The following KCND2 variants were observed in gnomAD, a reference collection of about 807,000 sequenced individuals.
The protein encoded by KCND2 is potassium voltage-gated channel subfamily D member 2, also known as A-type voltage-gated potassium channel KCND2.
A neutral mutation model predicts 54.4 loss-of-function variants in KCND2; 16 were observed. The observed-to-expected ratio is 0.29, with a 90% CI of 0.20 to 0.45. The LOEUF (loss-of-function observed/expected upper bound fraction) is 0.45, where lower values mean the gene tolerates loss of function less well. KCND2 is among the 20% of genes least tolerant of loss of function. KCND2 has a pLI of 1.00. For synonymous variants in KCND2, 317 were observed against 310.7 expected (o/e 1.02, Z -0.21); for missense variants, 486 against 824.2 (o/e 0.59, Z 5.02).
At chr7:120,647,384 A>C (rs1793454881) in intron 1 of KCND2, among the ~76,000 whole-genome samples, 1 of 152,204 alleles carries the variant, frequency 6.6e-6, no homozygotes, top group Admixed American at 6.5e-5. Flanking sequence ...CTTTCAGATA[A>C]GGCGGGGATA....
At chr7:120,564,530 A>T (rs1792273816) in intron 1 of KCND2, among the ~76,000 whole-genome samples, 1 of 152,188 alleles carries the variant, frequency 6.6e-6, no homozygotes, top group Admixed American at 6.5e-5. Context: ...AGAGTATAAT[A>T]GAATAAGACA....
At chr7:120,377,808 A>G (rs566652093) in intron 1 of KCND2, among the ~76,000 whole-genome samples, 8 of 152,022 alleles carry the variant, frequency 5.3e-5, no homozygotes, top group Admixed American at 2.0e-4. Flanking sequence ...TTCCCAGTCT[A>G]TCCACCCAGA....
At chr7:120,527,404 T>A (rs2116358038) in intron 1 of KCND2, among the ~76,000 whole-genome samples, 1 of 152,250 alleles carries the variant, frequency 6.6e-6, no homozygotes, top group South Asian at 2.1e-4. Flanking sequence ...GACTCCTGAC[T>A]TTCGGTACAC....
chr7:120,563,894 T>C (rs1449044938), intron 1 of KCND2, among the ~76,000 whole-genome samples: 1 of 152,172 alleles, frequency 6.6e-6, no homozygotes, highest in Non-Finnish European at 1.5e-5. Context: ...AAGTTCCCCT[T>C]GAAGCCTTTA....
chr7:120,688,465 A>G (rs1323312783), intron 1 of KCND2, among the ~76,000 whole-genome samples: 1 of 152,172 alleles, frequency 6.6e-6, no homozygotes, highest in Non-Finnish European at 1.5e-5. Flanking sequence ...ATACAGAAAC[A>G]CGAGAAGGAC....
Position 120,274,275 on chromosome 7 carries a change from CTG to C in KCND2, c.-355_-354del, listed in dbSNP as rs777954867. On this transcript the variant is annotated 5_prime_UTR_variant, in exon 1 of 6. Transcript: ENST00000331113. ...ACATACTGACCCTATATTATCCAGA[CTG>C]TGCCGGGGAGAAATCAAAAACACCT... The C allele has an allele frequency of 5.7e-4, 229 of 400,872 alleles. 2 individuals carry two copies. In the Middle Eastern group the frequency reaches 0.011, roughly 20 times the overall value. 24.8% of individuals were successfully genotyped at this position (400,872 alleles called of 1,614,324 possible).
intron 1 of KCND2, among the ~76,000 whole-genome samples, chr7:120,571,544 A>G (rs533131924): frequency 6.6e-6 from 1 of 152,326 alleles, no homozygotes; most frequent in Non-Finnish European, 1.5e-5. Context: ...CTCACGCTCT[A>G]TTCTAGAAAA....
intron 1 of KCND2, among the ~76,000 whole-genome samples, chr7:120,618,369 A>G (rs192019517): frequency 1.5e-4 from 23 of 152,300 alleles, no homozygotes; most frequent in Admixed American, 9.8e-4. Flanking sequence ...TGAATACTAA[A>G]TTCTTTATTC....
At chr7:120,452,912 TG>T (rs1327366600) in intron 1 of KCND2, among the ~76,000 whole-genome samples, 1 of 152,158 alleles carries the variant, frequency 6.6e-6, no homozygotes, top group Non-Finnish European at 1.5e-5. Flanking sequence ...GAGCACCCTC[TG>T]TCTGCTGGCC....
intron 1 of KCND2, among the ~76,000 whole-genome samples, chr7:120,365,690 C>T (rs570610527): frequency 6.6e-6 from 1 of 152,068 alleles, no homozygotes; most frequent in South Asian, 2.1e-4. Context: ...TACTTTTTGA[C>T]GTGCATGGTT....
At chr7:120,592,925 CAATAT>C (rs1218373439) in intron 1 of KCND2, among the ~76,000 whole-genome samples, 1 of 151,956 alleles carries the variant, frequency 6.6e-6, no homozygotes, top group Non-Finnish European at 1.5e-5. Flanking sequence ...GGTGGGATGA[CAATAT>C]AATCCTGATA....
intron 1 of KCND2, among the ~76,000 whole-genome samples, chr7:120,407,609 T>G (rs1801380870): frequency 6.6e-6 from 1 of 152,014 alleles, no homozygotes; most frequent in Non-Finnish European, 1.5e-5. Context: ...CAACTCCAGA[T>G]GGTTACTATA....
chr7:120,492,680 A>C (rs1025331331), intron 1 of KCND2, among the ~76,000 whole-genome samples: 2 of 152,056 alleles, frequency 1.3e-5, no homozygotes, highest in Admixed American at 1.3e-4. Flanking sequence ...ATGGGGTTAC[A>C]TTCCTATAAA....
chr7:120,580,160 T>A (rs6466749), intron 1 of KCND2, among the ~76,000 whole-genome samples: 19,479 of 152,186 alleles, frequency 0.13, 2,159 homozygotes, highest in African/African-American at 0.31. Flanking sequence ...ACCCTCTTAC[T>A]CTTTAAGATT....
At chr7:120,318,521 A>T (rs971401475) in intron 1 of KCND2, among the ~76,000 whole-genome samples, 18 of 152,070 alleles carry the variant, frequency 1.2e-4, no homozygotes, top group African/African-American at 4.3e-4. Flanking sequence ...CACAACACTT[A>T]TGTGTTTGGC....
intron 1 of KCND2, among the ~76,000 whole-genome samples, chr7:120,601,797 T>C (rs1376165971): frequency 6.6e-6 from 1 of 152,178 alleles, no homozygotes; most frequent in Non-Finnish European, 1.5e-5. Context: ...AATTGTCAAC[T>C]AAAAGCATAA....
intron 1 of KCND2, among the ~76,000 whole-genome samples, chr7:120,645,720 A>T (rs1013600730): frequency 6.6e-6 from 1 of 152,222 alleles, no homozygotes; most frequent in Non-Finnish European, 1.5e-5. Context: ...TGGACACGTG[A>T]CAAGTGGCAT....
At chr7:120,633,040 T>C (rs934479219) in intron 1 of KCND2, among the ~76,000 whole-genome samples, 2 of 152,234 alleles carry the variant, frequency 1.3e-5, no homozygotes, top group Non-Finnish European at 2.9e-5. Flanking sequence ...TTTACAGGCT[T>C]GATCAACCAT....
chr7:120,627,176 G>A (rs1260198243), intron 1 of KCND2, among the ~76,000 whole-genome samples: 2 of 150,850 alleles, frequency 1.3e-5, no homozygotes, highest in African/African-American at 2.5e-5. Flanking sequence ...CATCTGTCAC[G>A]TGTCCAGCAT....
Sources: gnomAD v4.1 joint callset for allele counts (sites outside exome capture counted in the v4.1 genomes callset) on GRCh38, gnomAD v4.1.1 for gene constraint, MANE v1.5 for transcripts, NCBI Gene and HGNC (gene_info 2026-07-23, HGNC 2026-07-21) for gene names.